C12orf42: variants seen among roughly 807,000 people sequenced by gnomAD.
The protein encoded by C12orf42 is uncharacterized protein C12orf42.
A neutral mutation model predicts 21.6 loss-of-function variants in C12orf42; 25 were observed. The ratio of observed to expected loss-of-function variants is 1.16; its 90% CI spans 0.84 to 1.62. The LOEUF is 1.62. Ranked by LOEUF, C12orf42 falls within the 40% of genes most tolerant of loss-of-function variation. C12orf42 has a pLI of 0.00. For synonymous variants in C12orf42, 174 were observed against 175.0 expected (o/e 0.99, Z 0.05); for missense variants, 483 against 459.3 (o/e 1.05, Z -0.47).
At chr12:103,206,084 A>G in the C12orf42 span, among the ~76,000 whole-genome samples, 1 of 152,140 alleles carries the variant, frequency 6.6e-6, no homozygotes, top group Admixed American at 6.5e-5. Context: ...TCAAGGCCAC[A>G]CCCTCTATCA....
chr12:103,188,522 A>G, the C12orf42 span, among the ~76,000 whole-genome samples: 8 of 152,120 alleles, frequency 5.3e-5, no homozygotes, highest in African/African-American at 1.7e-4. Context: ...TCCTCTCCAA[A>G]TCTCATGTTG....
intron 5 of C12orf42, chr12:103,273,979 C>T: frequency 2.2e-6 from 1 of 454,714 alleles, no homozygotes; most frequent in Non-Finnish European, 4.4e-6. Context: ...AGAAAAATCC[C>T]CCCAAGAGCA....
chr12:103,276,353 G>A (rs918093006), intron 5 of C12orf42, among the ~76,000 whole-genome samples: 1 of 152,124 alleles, frequency 6.6e-6, no homozygotes, highest in Non-Finnish European at 1.5e-5. Flanking sequence ...TCTTCCTAGT[G>A]TTTGCAGAAG....
At chr12:103,273,396 C>G (rs1220291117) in intron 5 of C12orf42, among the ~76,000 whole-genome samples, 1 of 152,062 alleles carries the variant, frequency 6.6e-6, no homozygotes, top group Admixed American at 6.6e-5. Flanking sequence ...AACATAATGA[C>G]TGCTTTAAGT....
intron 4 of C12orf42, among the ~76,000 whole-genome samples, chr12:103,331,738 G>A (rs1211001616): frequency 1.3e-5 from 2 of 152,182 alleles, no homozygotes; most frequent in Admixed American, 6.5e-5. Context: ...CAGCGCGGCA[G>A]CCGGACACAG....
the C12orf42 span, chr12:103,503,713 AAC>A: frequency 6.5e-6 from 1 of 153,552 alleles, no homozygotes; most frequent in Non-Finnish European, 1.5e-5. Context: ...CCTCATCAGG[AAC>A]ACCTTCCACA....
the C12orf42 span, among the ~76,000 whole-genome samples, chr12:103,227,896 G>C: frequency 1.3e-5 from 2 of 152,160 alleles, no homozygotes; most frequent in Non-Finnish European, 2.9e-5. Context: ...AGAGTGGAAA[G>C]GAGAAAGTGG....
chr12:103,408,614 C>T (rs1381179681), intron 2 of C12orf42, among the ~76,000 whole-genome samples: 1 of 152,146 alleles, frequency 6.6e-6, no homozygotes, highest in African/African-American at 2.4e-5. Context: ...ACTGATTCCT[C>T]CATTTGTCAT....
At chr12:103,137,371 AC>A in the C12orf42 span, among the ~76,000 whole-genome samples, 1 of 151,720 alleles carries the variant, frequency 6.6e-6, no homozygotes, top group Non-Finnish European at 1.5e-5. Context: ...AAAAAAAAAA[AC>A]AGACGCTGGC....
At chr12:103,508,336 T>G in the C12orf42 span, among the ~76,000 whole-genome samples, 5 of 152,258 alleles carry the variant, frequency 3.3e-5, no homozygotes, top group East Asian at 1.9e-4. Context: ...CAAACAAACA[T>G]GAGATCCATA....
chr12:103,478,375 T>C lies in C12orf42; in HGVS notation c.52A>G (p.Ile18Val), dbSNP rs1454827529. Residue 18 changes from isoleucine (I) to valine (V), a missense_variant, in exon 2 of 6, where the codon ATC (isoleucine) becomes GTC (valine). Physicochemically the swap from Ile to Val is conservative, Grantham distance 29 (BLOSUM62 3). Coordinates refer to ENST00000548883, the MANE Select transcript of C12orf42 (RefSeq NM_198521.5). ...KQREEEFLLT[I>V]RPFANRMQKS... ...TGCATCCTGTTTGCAAAAGGTCTGA[T>C]GGTTAGCAAGAATTCTTCTTCCCTT... 1 of 1,604,896 alleles carries C rather than the reference T, an allele frequency of 6.2e-7. No individual in the cohort carries two copies. Among genetic ancestry groups the C allele is most frequent in the African/African-American group, 1.3e-5 (1 of 74,914 alleles).
chr12:103,457,821 T>C (rs1009950188), intron 2 of C12orf42, among the ~76,000 whole-genome samples: 3 of 152,192 alleles, frequency 2.0e-5, no homozygotes, highest in Non-Finnish European at 4.4e-5. Context: ...ATTCAATCTT[T>C]CTTACCCCCT....
chr12:103,350,601 G>C lies in C12orf42; in HGVS notation c.259+18286C>G, dbSNP rs925450333. On this transcript the variant is annotated intron_variant, in intron 4 of 5. Coordinates refer to ENST00000548883, the MANE Select transcript of C12orf42 (RefSeq NM_198521.5). ...AGAAAACATAGTATATATAGGATCC[G>C]GTATTATCCATAGTTTCAGTCGTCC... Among the ~76,000 whole-genome samples the C allele has an allele frequency of 2.0e-5, 3 of 152,122 alleles. No individual in the cohort carries two copies. The East Asian group carries it at 5.8e-4, about 29-fold the overall frequency.
chr12:103,319,423 G>A (rs2039861594), intron 4 of C12orf42, among the ~76,000 whole-genome samples: 2 of 152,056 alleles, frequency 1.3e-5, no homozygotes, highest in African/African-American at 4.8e-5. Flanking sequence ...CTTTGTTGAA[G>A]GGATCACCAG....
intron 2 of C12orf42, among the ~76,000 whole-genome samples, chr12:103,462,096 G>GTTTTTTTTTTGTT (rs1952753593): frequency 7.2e-5 from 2 of 27,724 alleles, no homozygotes; most frequent in Non-Finnish European, 1.3e-4. Flanking sequence ...TTTTTGCTTG[G>GTTTTTTTTTTGTT]TTTTTTTTTT....
At chr12:103,192,206 A>C in the C12orf42 span, among the ~76,000 whole-genome samples, 3 of 152,144 alleles carry the variant, frequency 2.0e-5, no homozygotes, top group Admixed American at 2.0e-4. Flanking sequence ...ACCAACAAGA[A>C]ACCAACTTTA....
At chr12:103,371,235 T>C (rs2137956995) in intron 3 of C12orf42, among the ~76,000 whole-genome samples, 1 of 152,100 alleles carries the variant, frequency 6.6e-6, no homozygotes, top group Middle Eastern at 3.4e-3. Flanking sequence ...GAGGAAAAGG[T>C]TTGTGCCTCA....
chr12:103,154,429 CAGA>C, the C12orf42 span, among the ~76,000 whole-genome samples: 1 of 152,152 alleles, frequency 6.6e-6, no homozygotes, highest in Non-Finnish European at 1.5e-5. Context: ...ATGAGGTTTA[CAGA>C]AGAAGCCAGC....
At chr12:103,305,030 T>A (rs1434222323) in intron 5 of C12orf42, among the ~76,000 whole-genome samples, 1 of 152,034 alleles carries the variant, frequency 6.6e-6, no homozygotes, top group African/African-American at 2.4e-5. Context: ...CTGGGCCACA[T>A]AGGAAGAAAA....
Sources: gnomAD v4.1 joint callset for allele counts (sites outside exome capture counted in the v4.1 genomes callset) on GRCh38, gnomAD v4.1.1 for gene constraint, MANE v1.5 for transcripts, NCBI Gene and HGNC (gene_info 2026-07-23, HGNC 2026-07-21) for gene names.